The following SPAG16 variants were observed in gnomAD, a reference collection of about 807,000 sequenced individuals.
SPAG16 encodes sperm associated antigen 16, also known as sperm-associated antigen 16 protein.
A neutral mutation model predicts 80.4 loss-of-function variants in SPAG16; 86 were observed. The ratio of observed to expected loss-of-function variants is 1.07; its 90% confidence interval spans 0.90 to 1.28. The LOEUF is 1.28. SPAG16 is among the 50% of genes most tolerant of loss of function. SPAG16 has a pLI of 0.00. For missense variants in SPAG16, 870 were observed against 765.3 expected (o/e 1.14, Z -1.61); for synonymous variants, 294 against 265.9 (o/e 1.11, Z -1.03).
At chr2:214,015,457 G>T (rs887828597) in intron 13 of SPAG16, among the ~76,000 whole-genome samples, 1 of 152,124 alleles carries the variant, frequency 6.6e-6, no homozygotes, top group Non-Finnish European at 1.5e-5. Flanking sequence ...AATTGGCTGG[G>T]TGCGGTGGTG....
intron 10 of SPAG16, among the ~76,000 whole-genome samples, chr2:213,497,837 T>C (rs555407103): frequency 4.3e-4 from 66 of 152,244 alleles, no homozygotes; most frequent in African/African-American, 1.5e-3. Context: ...TGGAGTATAT[T>C]ATTATGGTAA....
chr2:213,936,400 C>T (rs927044928), intron 12 of SPAG16, among the ~76,000 whole-genome samples: 1 of 152,092 alleles, frequency 6.6e-6, no homozygotes, highest in Non-Finnish European at 1.5e-5. Context: ...ATCTGTTTTA[C>T]ACTCTAATAA....
intron 8 of SPAG16, among the ~76,000 whole-genome samples, chr2:213,372,703 T>C (rs2066702232): frequency 1.3e-5 from 2 of 152,304 alleles, no homozygotes; most frequent in South Asian, 2.1e-4. Flanking sequence ...TTAGACATTT[T>C]CTGTTTCTCT....
chr2:213,977,328 G>T (rs2045465072), intron 12 of SPAG16, among the ~76,000 whole-genome samples: 1 of 152,042 alleles, frequency 6.6e-6, no homozygotes, highest in Non-Finnish European at 1.5e-5. Flanking sequence ...AGGCATGGAT[G>T]AGATTCCTGG....
chr2:213,756,222 T>C (rs2068323436), intron 10 of SPAG16, among the ~76,000 whole-genome samples: 1 of 152,130 alleles, frequency 6.6e-6, no homozygotes, highest in Admixed American at 6.5e-5. Context: ...GGCTCATGCA[T>C]GTAATCCTAG....
intron 9 of SPAG16, among the ~76,000 whole-genome samples, chr2:213,377,621 G>T (rs184000986): frequency 1.6e-4 from 24 of 152,228 alleles, no homozygotes; most frequent in Non-Finnish European, 2.8e-4. Context: ...GTGTGTGGCC[G>T]TTCGTAAATC....
chr2:213,487,817 T>C (rs2074053330), intron 9 of SPAG16, among the ~76,000 whole-genome samples: 1 of 152,058 alleles, frequency 6.6e-6, no homozygotes, highest in Non-Finnish European at 1.5e-5. Flanking sequence ...TCCATCTTGC[T>C]ATATTTTCTA....
At chr2:213,704,615 T>TA (rs58187547) in intron 10 of SPAG16, among the ~76,000 whole-genome samples, 49 of 147,264 alleles carry the variant, frequency 3.3e-4, no homozygotes, top group East Asian at 9.9e-4. Flanking sequence ...GTTGAACAAA[T>TA]AAAAAAAAAA....
intron 13 of SPAG16, among the ~76,000 whole-genome samples, chr2:214,019,610 C>T (rs1364825710): frequency 6.6e-6 from 1 of 152,174 alleles, no homozygotes; most frequent in African/African-American, 2.4e-5. Context: ...CCTGTTGGCT[C>T]CTGTTTGGTG....
At chr2:214,127,349 T>C (rs1326662507) in intron 14 of SPAG16, among the ~76,000 whole-genome samples, 1 of 151,776 alleles carries the variant, frequency 6.6e-6, no homozygotes, top group African/African-American at 2.4e-5. Context: ...TTCAGTTTCT[T>C]ATGTAAATTT....
chr2:214,032,817 C>T (rs566678813), intron 13 of SPAG16, among the ~76,000 whole-genome samples: 1 of 152,264 alleles, frequency 6.6e-6, no homozygotes, highest in African/African-American at 2.4e-5. Context: ...AGTTTAGGTG[C>T]AAAGACTATG....
At chr2:213,365,072 A>C (rs4146049) in intron 8 of SPAG16, 59,547 of 152,036 alleles carry the variant, frequency 0.39, 12,385 homozygotes, top group East Asian at 0.67. Context: ...AATTAAGCCT[A>C]GGATTTTAGG....
chr2:213,915,611 T>G (rs2077920761), intron 11 of SPAG16, among the ~76,000 whole-genome samples: 1 of 152,192 alleles, frequency 6.6e-6, no homozygotes, highest in Non-Finnish European at 1.5e-5. Flanking sequence ...ATCTTTATAG[T>G]AAAATGATTT....
intron 9 of SPAG16, among the ~76,000 whole-genome samples, chr2:213,378,451 C>T (rs1313262261): frequency 6.6e-6 from 1 of 152,112 alleles, no homozygotes; most frequent in Non-Finnish European, 1.5e-5. Context: ...ATCCTTCGTA[C>T]AACCAGAAAT....
intron 12 of SPAG16, among the ~76,000 whole-genome samples, chr2:213,942,183 T>G (rs1201738775): frequency 6.6e-6 from 1 of 152,180 alleles, no homozygotes; most frequent in Non-Finnish European, 1.5e-5. Flanking sequence ...TGGTTAAACC[T>G]AATTCTCTGC....
chr2:214,284,153 T>C (rs1693172067), intron 15 of SPAG16, among the ~76,000 whole-genome samples: 2 of 152,200 alleles, frequency 1.3e-5, no homozygotes, highest in South Asian at 4.1e-4. Flanking sequence ...GGAAATACCC[T>C]GCAGTGAATA....
chr2:213,621,781 A>G (rs2061796500), intron 10 of SPAG16, among the ~76,000 whole-genome samples: 1 of 152,190 alleles, frequency 6.6e-6, no homozygotes, highest in Non-Finnish European at 1.5e-5. Context: ...AAGGTTTGAT[A>G]TATTTGTTTT....
At position 213,641,544 on chromosome 2, in the gene SPAG16, G is replaced by A. The variant is rs78521732; in HGVS notation, c.1070+151454G>A. Reference sequence around the variant, plus strand: ...GCCCTTCCCTGATTCCACTGGCTGCGTTCCCCAAAGGCCCCTGTGAAATTA... The same window carrying A: ...GCCCTTCCCTGATTCCACTGGCTGCATTCCCCAAAGGCCCCTGTGAAATTA... On this transcript the variant is annotated intron_variant, in intron 10 of 15. Transcript: ENST00000331683. 1.2e-3 allele frequency among the ~76,000 whole-genome samples: 180 copies of A among 152,280 alleles called. No individual in the cohort carries two copies. The East Asian group carries it at 0.024, about 21-fold the overall frequency.
intron 10 of SPAG16, among the ~76,000 whole-genome samples, chr2:213,592,902 T>A (rs1454578367): frequency 6.6e-6 from 1 of 152,192 alleles, no homozygotes; most frequent in Non-Finnish European, 1.5e-5. Context: ...TGAACGCAGC[T>A]CTTCTAACAG....
Sources: allele counts gnomAD v4.1 joint callset (sites outside exome capture counted in the v4.1 genomes callset), GRCh38; gene constraint gnomAD v4.1.1; transcripts MANE v1.5; gene names NCBI Gene and HGNC (gene_info 2026-07-23, HGNC 2026-07-21).